Variants in SUPT3H observed in about 807,000 individuals in gnomAD.
The protein encoded by SUPT3H is SPT3 homolog, SAGA and STAGA complex component, also known as transcription initiation protein SPT3 homolog.
A neutral mutation model predicts 44.3 loss-of-function variants in SUPT3H; 44 were observed. The observed-to-expected ratio is 0.99, with a 90% CI of 0.78 to 1.28. The LOEUF (loss-of-function observed/expected upper bound fraction) is 1.28, where lower values mean the gene tolerates loss of function less well. Among genes scored for constraint, SUPT3H ranks in the 50% most tolerant of loss-of-function variants. SUPT3H has a pLI of 0.00. For missense variants in SUPT3H, 380 were observed against 387.1 expected (o/e 0.98, Z 0.15); for synonymous variants, 124 against 125.6 (o/e 0.99, Z 0.09).
chr6:44,883,926 A>C (rs1395827204), intron 10 of SUPT3H, among the ~76,000 whole-genome samples: 1 of 152,178 alleles, frequency 6.6e-6, no homozygotes, highest in Non-Finnish European at 1.5e-5. Flanking sequence ...CCTAGAAGAA[A>C]ACCTAGGCAA....
chr6:45,271,609 G>A (rs540952821), intron 2 of SUPT3H, among the ~76,000 whole-genome samples: 5 of 152,166 alleles, frequency 3.3e-5, no homozygotes, highest in African/African-American at 4.8e-5. Flanking sequence ...TAGGGGCAGG[G>A]CCCTCATGGA....
chr6:44,919,870 CTTTTTCT>C (rs1176691622), intron 10 of SUPT3H, among the ~76,000 whole-genome samples: 7 of 152,072 alleles, frequency 4.6e-5, no homozygotes, highest in African/African-American at 9.6e-5. Flanking sequence ...ACAATCACTT[CTTTTTCT>C]TTTTTCTTTT....
At chr6:45,303,373 C>T (rs767876226) in intron 2 of SUPT3H, among the ~76,000 whole-genome samples, 12 of 151,916 alleles carry the variant, frequency 7.9e-5, no homozygotes, top group East Asian at 3.9e-4. Context: ...GCTATACATC[C>T]GACAAAGGAC....
intron 2 of SUPT3H, among the ~76,000 whole-genome samples, chr6:45,233,750 A>C (rs1238348124): frequency 6.6e-6 from 1 of 152,080 alleles, no homozygotes. Flanking sequence ...TCTGGAGAGG[A>C]TGTGTGTCTG....
chr6:45,198,318 AG>A (rs1226349363), intron 2 of SUPT3H, among the ~76,000 whole-genome samples: 4 of 151,360 alleles, frequency 2.6e-5, no homozygotes, highest in African/African-American at 9.7e-5. Context: ...CAGAAAAAAA[AG>A]GTATAAATGT....
At chr6:45,361,283 T>C (rs950843492) in intron 2 of SUPT3H, among the ~76,000 whole-genome samples, 1 of 152,154 alleles carries the variant, frequency 6.6e-6, no homozygotes, top group African/African-American at 2.4e-5. Flanking sequence ...GTAAACAAGA[T>C]TTTTTCAATG....
chr6:45,165,675 C>T (rs960758427), intron 2 of SUPT3H, among the ~76,000 whole-genome samples: 54 of 151,748 alleles, frequency 3.6e-4, no homozygotes, highest in African/African-American at 1.3e-3. Flanking sequence ...CAAATGAAAG[C>T]GCTAAGAATA....
intron 2 of SUPT3H, among the ~76,000 whole-genome samples, chr6:45,364,664 A>T (rs1794829344): frequency 6.6e-6 from 1 of 152,160 alleles, no homozygotes; most frequent in Admixed American, 6.5e-5. Flanking sequence ...AATCTTAATG[A>T]CTCTGCAATT....
rs1581996644 is a variant in SUPT3H at position 45,372,055 on chromosome 6, A to G, written c.-1+5713T>C. The G allele has an allele frequency of 4.2e-6, 4 of 960,990 alleles. No homozygotes were observed. The South Asian group carries it at 1.9e-4, about 46-fold the overall frequency. The allele number at this position is 960,990 out of a possible 1,614,324, so 59.5% of individuals were successfully genotyped here. A position where few individuals can be genotyped will look rare whatever the true frequency, so the allele number is the denominator to read the frequency against. On this transcript the variant is annotated intron_variant, in intron 1 of 10. Transcript: ENST00000371459. ...AAAAGTTTATCATAACTAACCCAAA[A>G]GGCCTCCACAATGTGTATGTCACAG... is the stretch of plus-strand genomic sequence containing the variant.
chr6:45,319,223 T>G (rs1785127498), intron 2 of SUPT3H, among the ~76,000 whole-genome samples: 1 of 152,130 alleles, frequency 6.6e-6, no homozygotes, highest in Admixed American at 6.5e-5. Flanking sequence ...AATAGGTGTC[T>G]TATAATTATG....
intron 1 of SUPT3H, among the ~76,000 whole-genome samples, chr6:45,375,786 T>G (rs982772827): frequency 6.6e-6 from 1 of 152,144 alleles, no homozygotes; most frequent in African/African-American, 2.4e-5. Context: ...ATTTGTTCTT[T>G]TAGTTTTATT....
intron 3 of SUPT3H, among the ~76,000 whole-genome samples, chr6:45,075,550 A>G (rs1794902677): frequency 6.6e-6 from 1 of 152,050 alleles, no homozygotes; most frequent in South Asian, 2.1e-4. Context: ...TATCTGGTAA[A>G]TTTTCTCGTC....
intron 10 of SUPT3H, among the ~76,000 whole-genome samples, chr6:44,886,276 G>C (rs1024653078): frequency 6.6e-6 from 1 of 151,986 alleles, no homozygotes; most frequent in African/African-American, 2.4e-5. Context: ...ACGCCACAAA[G>C]ATACTCCTCG....
chr6:45,158,275 C>CATATATATATATATATAT (rs70996305), intron 2 of SUPT3H, among the ~76,000 whole-genome samples: 3 of 62,174 alleles, frequency 4.8e-5, no homozygotes, highest in African/African-American at 3.8e-4. Context: ...TATAAATATA[C>CATATATATATATATATAT]ATATATATAT....
chr6:45,234,066 A>G (rs1251355077), intron 2 of SUPT3H, among the ~76,000 whole-genome samples: 1 of 152,168 alleles, frequency 6.6e-6, no homozygotes, highest in African/African-American at 2.4e-5. Flanking sequence ...AAACTGGCTC[A>G]ATGTTATTAG....
At chr6:45,133,014 C>T (rs1175321948) in intron 2 of SUPT3H, among the ~76,000 whole-genome samples, 1 of 152,116 alleles carries the variant, frequency 6.6e-6, no homozygotes, top group African/African-American at 2.4e-5. Context: ...TGAATAGACA[C>T]TACTTGAATA....
At chr6:45,236,921 T>C (rs551644954) in intron 2 of SUPT3H, among the ~76,000 whole-genome samples, 84 of 152,326 alleles carry the variant, frequency 5.5e-4, no homozygotes, top group African/African-American at 1.9e-3. Context: ...GGATTACTTC[T>C]AGGTAGGTCT....
intron 2 of SUPT3H, among the ~76,000 whole-genome samples, chr6:45,297,126 A>C (rs916058739): frequency 4.6e-5 from 7 of 152,048 alleles, no homozygotes; most frequent in African/African-American, 1.7e-4. Context: ...CCCCCATTAC[A>C]GAGCAAATAG....
chr6:45,335,573 A>G (rs1413333205), intron 2 of SUPT3H, among the ~76,000 whole-genome samples: 1 of 151,348 alleles, frequency 6.6e-6, no homozygotes, highest in African/African-American at 2.4e-5. Flanking sequence ...CAGATTACAG[A>G]TATCTGTAAC....
Sources: allele counts gnomAD v4.1 joint callset (sites outside exome capture counted in the v4.1 genomes callset), GRCh38; gene constraint gnomAD v4.1.1; transcripts MANE v1.5; gene names NCBI Gene and HGNC (gene_info 2026-07-23, HGNC 2026-07-21).